The following GABRA2 variants were observed in gnomAD, a reference collection of about 807,000 sequenced individuals.
GABRA2 encodes gamma-aminobutyric acid type A receptor subunit alpha2, also known as gamma-aminobutyric acid receptor subunit alpha-2.
GABRA2 carries 16 observed loss-of-function variants against 48.7 expected under a neutral mutation model. That is an observed-to-expected ratio of 0.33 (90% CI 0.22 to 0.50). GABRA2 has a LOEUF of 0.50. Ranked by LOEUF, GABRA2 falls within the 20% of genes least tolerant of loss-of-function variation. The pLI, the probability that GABRA2 is intolerant of heterozygous loss-of-function variation, is 0.98. For missense variants in GABRA2, 275 were observed against 535.6 expected, an observed-to-expected ratio of 0.51 and a Z score of 4.80; for synonymous variants, 185 against 184.5, an observed-to-expected ratio of 1.00 and a Z score of -0.02.
At chr4:46,350,056 AT>A (rs1265158551) in intron 3 of GABRA2, among the ~76,000 whole-genome samples, 2 of 151,832 alleles carry the variant, frequency 1.3e-5, no homozygotes, top group Non-Finnish European at 2.9e-5. Flanking sequence ...TATGATCAAA[AT>A]TTATCTTCAT....
chr4:46,311,199 A>G (rs917827629), intron 5 of GABRA2, among the ~76,000 whole-genome samples: 8 of 152,222 alleles, frequency 5.3e-5, no homozygotes, highest in Admixed American at 5.2e-4. Flanking sequence ...ATATATTGCA[A>G]GATTCAAAGG....
At position 46,284,279 on chromosome 4, in the gene GABRA2, T is replaced by C. The variant is rs563755625; in HGVS notation, c.856+19181A>G. Among the ~76,000 whole-genome samples the C allele has an allele frequency of 3.5e-4, 54 of 152,314 alleles. No homozygotes were observed. In the South Asian group the frequency reaches 7.0e-3, roughly 20 times the overall value. On this transcript the variant is annotated intron_variant, in intron 8 of 9. Coordinates refer to ENST00000381620, the MANE Select transcript of GABRA2 (RefSeq NM_000807.4). ...CCATAACTTCACAAGTTAAGCTATA[T>C]GTATGTATAACAAAATGAGGTTTGT...
chr4:46,298,995 ATATGATTATTAGAATCATATATT>A (rs1725250933), intron 8 of GABRA2, among the ~76,000 whole-genome samples: 1 of 151,282 alleles, frequency 6.6e-6, no homozygotes, highest in Admixed American at 6.6e-5. Context: ...TACATATATT[ATATGATTATTAGAATCATATATT>A]TATGATTATT....
At chr4:46,341,764 C>T (rs1294886104) in intron 3 of GABRA2, among the ~76,000 whole-genome samples, 1 of 152,022 alleles carries the variant, frequency 6.6e-6, no homozygotes, top group Non-Finnish European at 1.5e-5. Context: ...TTTCTAGATT[C>T]CCAGGAATAG....
At chr4:46,373,771 C>T (rs559605928) in intron 3 of GABRA2, among the ~76,000 whole-genome samples, 8 of 152,124 alleles carry the variant, frequency 5.3e-5, no homozygotes, top group South Asian at 2.1e-4. Flanking sequence ...CTTAAGATTC[C>T]GAAGTTTCTT....
chr4:46,277,590 C>A (rs576820635), intron 8 of GABRA2, among the ~76,000 whole-genome samples: 24 of 152,312 alleles, frequency 1.6e-4, no homozygotes, highest in African/African-American at 5.5e-4. Context: ...CTTGGACAAG[C>A]TGGAGCTGTA....
intron 9 of GABRA2, among the ~76,000 whole-genome samples, chr4:46,252,568 G>A (rs1260947227): frequency 6.6e-6 from 1 of 151,408 alleles, no homozygotes; most frequent in Non-Finnish European, 1.5e-5. Context: ...AAACTTAGAT[G>A]TATCTGACTT....
At chr4:46,353,136 T>G (rs1735413888) in intron 3 of GABRA2, among the ~76,000 whole-genome samples, 1 of 152,106 alleles carries the variant, frequency 6.6e-6, no homozygotes, top group South Asian at 2.1e-4. Context: ...ATAATCATAT[T>G]TAAGATAATC....
chr4:46,360,471 C>T lies in GABRA2; in HGVS notation c.187+25603G>A, dbSNP rs963205210. 2.2e-4 allele frequency among the ~76,000 whole-genome samples: 33 copies of T among 152,334 alleles called. No individual in the cohort carries two copies. In the Middle Eastern group the frequency reaches 0.014, roughly 63 times the overall value. The stretch of plus-strand genomic sequence containing the variant: ...TGCCATCCATGTAAGATGTGACTTG[C>T]TCCTCATTGCCTGTCACCATGATTG... On this transcript the variant is annotated intron_variant, in intron 3 of 9. Transcript: ENST00000381620.
At position 46,243,608 on chromosome 4, in the gene GABRA2, T is replaced by C. The variant is rs957581446; in HGVS notation, c.*6700A>G. 2.6e-5 allele frequency: 4 copies of C among 151,532 alleles called. No individual in the cohort carries two copies. In the Admixed American group the frequency reaches 2.6e-4, roughly 10 times the overall value. The allele number at this position is 151,532 out of a possible 1,614,324, so 9.4% of individuals were successfully genotyped here. On this transcript the variant is annotated 3_prime_UTR_variant, in exon 10 of 10. Transcript: ENST00000381620. ...TGTTTAGCATTAATTTGCATGTGAT[T>C]AGTTAGGAATTTTTTAAACAGCAAG...
In GABRA2 at chr4:46,256,385, C is replaced by T. The variant is rs924916112; in HGVS notation, c.1059+5541G>A. 3 of 580,558 alleles carry T rather than the reference C, an allele frequency of 5.2e-6. No individual in the cohort carries two copies. The highest frequency in any genetic ancestry group is 6.0e-5 in the East Asian group (2 of 33,224). 36.0% of individuals were successfully genotyped at this position (580,558 alleles called of 1,614,324 possible). A position where few individuals can be genotyped will look rare whatever the true frequency, so the allele number is the denominator to read the frequency against. ...TTTTATTGAAGGGGACTACAAGAAACATCAATATGAAATCCATTATTGCGT... is the reference window on the plus strand; with the variant it reads ...TTTTATTGAAGGGGACTACAAGAAATATCAATATGAAATCCATTATTGCGT... On this transcript the variant is annotated intron_variant, in intron 9 of 9. Coordinates refer to ENST00000381620, the MANE Select transcript of GABRA2 (RefSeq NM_000807.4).
At chr4:46,363,060 T>A (rs1713466174) in intron 3 of GABRA2, among the ~76,000 whole-genome samples, 1 of 152,200 alleles carries the variant, frequency 6.6e-6, no homozygotes, top group Non-Finnish European at 1.5e-5. Context: ...ATTCCTTGAT[T>A]TTTCTTTCTC....
chr4:46,386,338 C>G, intron 2 of GABRA2, 149 bp from the exon 3 acceptor site: 1 of 557,732 alleles, frequency 1.8e-6, no homozygotes, highest in Non-Finnish European at 3.1e-6. Context: ...CTATAAATAT[C>G]GGTTTGTCTT....
intron 9 of GABRA2, chr4:46,261,353 T>C (rs1446205609): frequency 6.5e-6 from 1 of 153,168 alleles, no homozygotes; most frequent in East Asian, 1.9e-4. Flanking sequence ...TTTAAAAAAA[T>C]GCTATCCGGG....
intron 3 of GABRA2, among the ~76,000 whole-genome samples, chr4:46,348,317 A>C (rs1272423893): frequency 6.6e-6 from 1 of 151,960 alleles, no homozygotes; most frequent in African/African-American, 2.4e-5. Flanking sequence ...ACACTTTTAC[A>C]CTGTTGGTGG....
intron 9 of GABRA2, among the ~76,000 whole-genome samples, chr4:46,259,073 AGGCAGTTGAAAATAGTAAGAT>A (rs1314531536): frequency 1.3e-5 from 2 of 151,888 alleles, no homozygotes; most frequent in African/African-American, 4.8e-5. Flanking sequence ...GAAAGAAAGG[AGGCAGTTGAAAATAGTAAGAT>A]GGCTTTGAAG....
At chr4:46,316,837 C>A (rs1728635879) in intron 4 of GABRA2, among the ~76,000 whole-genome samples, 1 of 151,808 alleles carries the variant, frequency 6.6e-6, no homozygotes, top group Non-Finnish European at 1.5e-5. Context: ...TCTCACAGAC[C>A]ACTGGGCTCA....
intron 9 of GABRA2, among the ~76,000 whole-genome samples, chr4:46,252,922 C>G (rs1361118521): frequency 1.3e-5 from 2 of 151,356 alleles, no homozygotes; most frequent in Admixed American, 6.6e-5. Flanking sequence ...GGACGAATAT[C>G]TTATTCTAAC....
chr4:46,294,714 A>G (rs1724313503), intron 8 of GABRA2, among the ~76,000 whole-genome samples: 1 of 152,166 alleles, frequency 6.6e-6, no homozygotes, highest in South Asian at 2.1e-4. Context: ...ATTTTGGAGA[A>G]AAGCCCCTGC....
Sources: allele counts gnomAD v4.1 joint callset (sites outside exome capture counted in the v4.1 genomes callset), GRCh38; gene constraint gnomAD v4.1.1; transcripts MANE v1.5; gene names NCBI Gene and HGNC (gene_info 2026-07-23, HGNC 2026-07-21).